GABRG3: variants seen among roughly 807,000 people sequenced by gnomAD.
GABRG3 encodes the protein gamma-aminobutyric acid receptor subunit gamma-3.
A neutral mutation model predicts 48.8 loss-of-function variants in GABRG3; 25 were observed. The observed-to-expected ratio is 0.51, with a 90% CI of 0.37 to 0.72. GABRG3 has a LOEUF of 0.72. Ranked by LOEUF, GABRG3 falls within the 30% of genes least tolerant of loss-of-function variation. GABRG3 has a pLI of 0.00. For missense variants in GABRG3, 394 were observed against 577.9 expected, an observed-to-expected ratio of 0.68 and a Z score of 3.26; for synonymous variants, 227 against 217.6, an observed-to-expected ratio of 1.04 and a Z score of -0.38.
chr15:27,541,797 C>T lies in GABRG3; in HGVS notation c.*8916C>T, dbSNP rs1891665560. On this transcript the variant is annotated 3_prime_UTR_variant, in exon 10 of 10. Coordinates refer to ENST00000615808, the MANE Select transcript of GABRG3 (RefSeq NM_033223.5). ...CCGCTATCCGTGCGGCTCGTGGTGTCCTAGTGAAATGAGGGCGCACTGGCG... is the reference window on the plus strand; with the variant it reads ...CCGCTATCCGTGCGGCTCGTGGTGTTCTAGTGAAATGAGGGCGCACTGGCG... 6.6e-6 allele frequency: 1 copy of T among 152,208 alleles called. No homozygotes were observed. The highest frequency in any genetic ancestry group is 2.1e-4 in the South Asian group (1 of 4,832). The allele number at this position is 152,208 out of a possible 1,614,324, so 9.4% of individuals were successfully genotyped here.
intron 3 of GABRG3, among the ~76,000 whole-genome samples, chr15:27,076,636 C>G (rs554081402): frequency 6.6e-6 from 1 of 152,070 alleles, no homozygotes; most frequent in Non-Finnish European, 1.5e-5. Context: ...CCACCTGTCT[C>G]AAGATCATCC....
rs552800773 is a variant in GABRG3, at chr15:27,337,665, C to G, written c.574+8777C>G. 6.6e-5 allele frequency among the ~76,000 whole-genome samples: 10 copies of G among 152,332 alleles called. No individual in the cohort carries two copies. The South Asian group carries it at 2.1e-3, about 32-fold the overall frequency. On this transcript the variant is annotated intron_variant, in intron 5 of 9. Transcript: ENST00000615808. ...AGTATCAGTCATGTTCTTCATTCCT[C>G]TTTTCCCATTTTTTCTCCCTGTTTA...
chr15:27,350,225 G>T, intron 5 of GABRG3: 1 of 455,012 alleles, frequency 2.2e-6, no homozygotes, highest in Non-Finnish European at 4.4e-6. Flanking sequence ...TCGGAGACTC[G>T]CTTCCATTCG....
chr15:26,996,112 T>G (rs1450007142), intron 2 of GABRG3, among the ~76,000 whole-genome samples: 1 of 152,170 alleles, frequency 6.6e-6, no homozygotes, highest in African/African-American at 2.4e-5. Flanking sequence ...ATATATGTAC[T>G]TTTTTATGCA....
intron 5 of GABRG3, among the ~76,000 whole-genome samples, chr15:27,376,422 T>G (rs1388959017): frequency 6.6e-6 from 1 of 152,186 alleles, no homozygotes; most frequent in Non-Finnish European, 1.5e-5. Flanking sequence ...CCCCACATTT[T>G]CCTTCTGCAC....
At chr15:27,350,672 A>G (rs1894533797) in intron 5 of GABRG3, among the ~76,000 whole-genome samples, 1 of 152,124 alleles carries the variant, frequency 6.6e-6, no homozygotes, top group African/African-American at 2.4e-5. Context: ...TGGACGGTGC[A>G]TGATGGGCCC....
At chr15:27,042,591 G>T (rs763050474) in intron 3 of GABRG3, among the ~76,000 whole-genome samples, 1 of 152,166 alleles carries the variant, frequency 6.6e-6, no homozygotes, top group Non-Finnish European at 1.5e-5. Flanking sequence ...ACCATGTCCC[G>T]CACACATCAC....
intron 2 of GABRG3, among the ~76,000 whole-genome samples, chr15:27,009,251 A>C (rs921703411): frequency 6.6e-6 from 1 of 152,058 alleles, no homozygotes; most frequent in Non-Finnish European, 1.5e-5. Context: ...ACAAGCCGTC[A>C]GTGTTGTAAT....
chr15:27,368,538 G>T (rs12903748), intron 5 of GABRG3, among the ~76,000 whole-genome samples: 43,065 of 151,922 alleles, frequency 0.28, 6,341 homozygotes, highest in Middle Eastern at 0.37. Context: ...GTGCATAGTT[G>T]GGCATGTCCC....
intron 3 of GABRG3, among the ~76,000 whole-genome samples, chr15:27,285,256 T>TA (rs1891569328): frequency 5.1e-4 from 1 of 1,950 alleles, no homozygotes; most frequent in South Asian, 5.0e-3. Context: ...AGCTTTCAGG[T>TA]GTGTGTGTGT....
chr15:27,380,216 C>G (rs1474750949), intron 5 of GABRG3, among the ~76,000 whole-genome samples: 1 of 152,170 alleles, frequency 6.6e-6, no homozygotes, highest in Non-Finnish European at 1.5e-5. Flanking sequence ...TTTTTGACCA[C>G]TAGCCTTTCC....
chr15:27,015,179 T>C (rs1320903437), intron 2 of GABRG3, among the ~76,000 whole-genome samples: 1 of 152,194 alleles, frequency 6.6e-6, no homozygotes, highest in East Asian at 1.9e-4. Context: ...AGTGAGTCTC[T>C]TATAGACAGC....
At chr15:27,282,917 G>A (rs2140480769) in intron 3 of GABRG3, among the ~76,000 whole-genome samples, 1 of 152,204 alleles carries the variant, frequency 6.6e-6, no homozygotes, top group South Asian at 2.1e-4. Context: ...GGTAGGGAGG[G>A]GCATTCCTAA....
intron 5 of GABRG3, among the ~76,000 whole-genome samples, chr15:27,429,285 GA>G (rs1888379680): frequency 6.6e-6 from 1 of 152,158 alleles, no homozygotes; most frequent in African/African-American, 2.4e-5. Context: ...TGTCCTACAT[GA>G]AGACAATATA....
At chr15:27,025,191 G>T (rs751338825) in intron 2 of GABRG3, among the ~76,000 whole-genome samples, 1 of 152,048 alleles carries the variant, frequency 6.6e-6, no homozygotes, top group Non-Finnish European at 1.5e-5. Flanking sequence ...AGCTGTTAAG[G>T]CTTTATGTTT....
chr15:27,203,833 G>A (rs1031896236), intron 3 of GABRG3, among the ~76,000 whole-genome samples: 20 of 151,576 alleles, frequency 1.3e-4, no homozygotes, highest in African/African-American at 4.9e-4. Context: ...CTGCATGCAT[G>A]TCTTCTTTTG....
intron 3 of GABRG3, among the ~76,000 whole-genome samples, chr15:27,181,248 C>T (rs1887921088): frequency 6.6e-6 from 1 of 152,088 alleles, no homozygotes; most frequent in Admixed American, 6.5e-5. Context: ...ATCAATACTC[C>T]CCAGGCTGTC....
chr15:27,394,274 A>G (rs1442546211), intron 5 of GABRG3, among the ~76,000 whole-genome samples: 3 of 152,232 alleles, frequency 2.0e-5, no homozygotes, highest in Non-Finnish European at 4.4e-5. Context: ...TTTTCCCTGA[A>G]GATTATAATC....
chr15:27,190,712 G>A (rs1268609993), intron 3 of GABRG3, among the ~76,000 whole-genome samples: 1 of 151,858 alleles, frequency 6.6e-6, no homozygotes, highest in Non-Finnish European at 1.5e-5. Flanking sequence ...AGGGTTTTTT[G>A]TGTCTCTATT....
Sources: allele counts gnomAD v4.1 joint callset (sites outside exome capture counted in the v4.1 genomes callset), GRCh38; gene constraint gnomAD v4.1.1; transcripts MANE v1.5; gene names NCBI Gene and HGNC (gene_info 2026-07-23, HGNC 2026-07-21).